AGBL1: variants seen among roughly 807,000 people sequenced by gnomAD.
AGBL1 encodes the protein cytosolic carboxypeptidase 4.
Under a neutral mutation model 118.9 loss-of-function variants are expected in AGBL1, and 130 were observed. That is an observed-to-expected ratio of 1.09 (90% CI 0.95 to 1.26). The LOEUF is 1.26. Among genes scored for constraint, AGBL1 ranks in the 50% most tolerant of loss-of-function variants. The pLI is 0.00. For missense variants in AGBL1, 1,584 were observed against 1,298.1 expected, an observed-to-expected ratio of 1.22 and a Z score of -3.38; for synonymous variants, 555 against 478.9, an observed-to-expected ratio of 1.16 and a Z score of -2.08.
At chr15:87,017,388 A>C (rs1042242614) in intron 24 of AGBL1, among the ~76,000 whole-genome samples, 1 of 152,130 alleles carries the variant, frequency 6.6e-6, no homozygotes, top group South Asian at 2.1e-4. Flanking sequence ...TTGGGCTGGC[A>C]ACATGTCCGT....
At chr15:86,797,189 G>C (rs890832346) in intron 22 of AGBL1, among the ~76,000 whole-genome samples, 26 of 152,222 alleles carry the variant, frequency 1.7e-4, no homozygotes, top group African/African-American at 5.8e-4. Context: ...TTCACTCCGT[G>C]ATATTTTATA....
intron 1 of AGBL1, among the ~76,000 whole-genome samples, chr15:86,120,188 T>G (rs1195411093): frequency 6.6e-6 from 1 of 152,208 alleles, no homozygotes; most frequent in Non-Finnish European, 1.5e-5. Context: ...CTGCATGTAC[T>G]TGGGGCTGTA....
chr15:86,626,574 CAAAT>C (rs1205579916), intron 21 of AGBL1, among the ~76,000 whole-genome samples: 1 of 152,038 alleles, frequency 6.6e-6, no homozygotes, highest in Admixed American at 6.6e-5. Flanking sequence ...AGCTGGGTGA[CAAAT>C]AATCTGTACA....
At chr15:86,570,503 G>T (rs1011137876) in intron 21 of AGBL1, among the ~76,000 whole-genome samples, 1 of 152,244 alleles carries the variant, frequency 6.6e-6, no homozygotes, top group Non-Finnish European at 1.5e-5. Context: ...GAAAAAGTGG[G>T]AATTTCTCAG....
chr15:86,891,134 C>A (rs1412773332), intron 22 of AGBL1, among the ~76,000 whole-genome samples: 1 of 151,892 alleles, frequency 6.6e-6, no homozygotes, highest in African/African-American at 2.4e-5. Flanking sequence ...GTATTTTATT[C>A]TTTTTGTAGT....
At chr15:86,477,334 G>C (rs1041548076) in intron 18 of AGBL1, among the ~76,000 whole-genome samples, 3 of 152,232 alleles carry the variant, frequency 2.0e-5, no homozygotes, top group Middle Eastern at 3.4e-3. Flanking sequence ...TAGACTGCTA[G>C]CAAGACTGAT....
intron 5 of AGBL1, among the ~76,000 whole-genome samples, chr15:86,204,843 G>A (rs1255838384): frequency 1.3e-5 from 2 of 152,122 alleles, no homozygotes; most frequent in Non-Finnish European, 2.9e-5. Context: ...ACCTGCCTTG[G>A]CCTCTCAAAG....
chr15:86,315,288 T>C (rs1210280396), intron 17 of AGBL1, among the ~76,000 whole-genome samples: 1 of 152,184 alleles, frequency 6.6e-6, no homozygotes, highest in Non-Finnish European at 1.5e-5. Flanking sequence ...TGCACTCACA[T>C]TTGGGCTTTC....
chr15:86,523,679 C>A (rs540633985), intron 19 of AGBL1, among the ~76,000 whole-genome samples: 98 of 140,374 alleles, frequency 7.0e-4, no homozygotes, highest in African/African-American at 2.7e-3. Context: ...GAACGAAATC[C>A]TCTAGGTGTT....
intron 17 of AGBL1, chr15:86,296,621 T>C (rs375040171): frequency 6.6e-6 from 1 of 152,228 alleles, no homozygotes; most frequent in Non-Finnish European, 1.5e-5. Context: ...CATCTGACAA[T>C]GGATGCTTAA....
intron 15 of AGBL1, among the ~76,000 whole-genome samples, chr15:86,277,715 C>T (rs534868814): frequency 6.6e-5 from 10 of 152,262 alleles, no homozygotes; most frequent in South Asian, 2.1e-4. Flanking sequence ...ACTGGCCCTT[C>T]GGGACACCTA....
rs539816787 is a variant in AGBL1, at chr15:86,895,178, CT to C, written c.3159-11908del. Among the ~76,000 whole-genome samples the C allele has an allele frequency of 6.6e-3, 984 of 148,842 alleles. 6 individuals carry two copies. The highest frequency in any genetic ancestry group is 0.011 in the Admixed American group (154 of 13,994). Reference sequence around the variant, plus strand: ...CTCTTTTCTTCTTTCTCTTTCCCCCCTCTTTTCTTTTCCCAGCCTTACTTTT... The same window carrying C: ...CTCTTTTCTTCTTTCTCTTTCCCCCCCTTTTCTTTTCCCAGCCTTACTTTT... On this transcript the variant is annotated intron_variant, in intron 22 of 22. Transcript: ENST00000614907.
intron 22 of AGBL1, among the ~76,000 whole-genome samples, chr15:86,809,417 A>G (rs2078759876): frequency 6.6e-6 from 1 of 152,100 alleles, no homozygotes; most frequent in Admixed American, 6.6e-5. Context: ...TCACATATAT[A>G]TATGCTGAGC....
chr15:86,222,067 C>T (rs1308517800), intron 5 of AGBL1, among the ~76,000 whole-genome samples: 1 of 152,166 alleles, frequency 6.6e-6, no homozygotes, highest in Non-Finnish European at 1.5e-5. Context: ...TCTTCTGACT[C>T]CTTTAGGGGT....
chr15:86,765,977 G>A (rs1184207994), intron 22 of AGBL1, among the ~76,000 whole-genome samples: 1 of 151,916 alleles, frequency 6.6e-6, no homozygotes, highest in African/African-American at 2.4e-5. Context: ...CCATCACCCA[G>A]ACTGGTTGTA....
chr15:86,703,016 A>T (rs1596384940), intron 22 of AGBL1, among the ~76,000 whole-genome samples: 1 of 152,172 alleles, frequency 6.6e-6, no homozygotes, highest in Admixed American at 6.6e-5. Flanking sequence ...AAGACTGAGA[A>T]TACATGGCCA....
intron 17 of AGBL1, among the ~76,000 whole-genome samples, chr15:86,337,489 A>C (rs1360387097): frequency 6.6e-6 from 1 of 152,230 alleles, no homozygotes; most frequent in African/African-American, 2.4e-5. Context: ...GATAAAGAAA[A>C]TGTGGTACAT....
chr15:87,018,669 G>A (rs553680366), intron 24 of AGBL1, among the ~76,000 whole-genome samples: 1 of 151,916 alleles, frequency 6.6e-6, no homozygotes, highest in African/African-American at 2.4e-5. Flanking sequence ...AAAGCACACT[G>A]AAGTACACAG....
At chr15:86,151,763 A>G (rs892718034) in intron 3 of AGBL1, among the ~76,000 whole-genome samples, 4 of 152,206 alleles carry the variant, frequency 2.6e-5, no homozygotes, top group African/African-American at 9.6e-5. Flanking sequence ...ACATGATTGT[A>G]TGTTTAGAAA....
Sources: allele counts gnomAD v4.1 joint callset (sites outside exome capture counted in the v4.1 genomes callset), GRCh38; gene constraint gnomAD v4.1.1; transcripts MANE v1.5; gene names NCBI Gene and HGNC (gene_info 2026-07-23, HGNC 2026-07-21).